Variants in KIF20B observed in about 807,000 individuals in gnomAD.
KIF20B encodes kinesin-like protein KIF20B.
Under a neutral mutation model 232.5 loss-of-function variants are expected in KIF20B, and 188 were observed. The observed-to-expected ratio is 0.81, with a 90% CI of 0.72 to 0.91. The LOEUF is 0.91. Among genes scored for constraint, KIF20B ranks in the 40% least tolerant of loss-of-function variants. The pLI, the probability that KIF20B is intolerant of heterozygous loss-of-function variation, is 0.00. For missense variants in KIF20B, 2,154 were observed against 2,055.9 expected (o/e 1.05, Z -0.92); for synonymous variants, 712 against 683.0 (o/e 1.04, Z -0.66).
chr10:89,707,945 T>C (rs927814234), intron 2 of KIF20B, among the ~76,000 whole-genome samples: 20 of 152,358 alleles, frequency 1.3e-4, no homozygotes, highest in African/African-American at 4.3e-4. Context: ...TCTTTTAATA[T>C]GGTTAATTGC....
At chr10:89,729,011 C>A in intron 17 of KIF20B, 117 bp from the exon 18 acceptor site, 1 of 966,120 alleles carries the variant, frequency 1.0e-6, no homozygotes, top group East Asian at 5.1e-5. Context: ...CACTGATTAG[C>A]TTTATTTAAC....
chr10:89,719,833 T>C (rs1181985845), intron 13 of KIF20B, 127 bp downstream of exon 13: 1 of 719,660 alleles, frequency 1.4e-6, no homozygotes, highest in East Asian at 2.7e-5. Context: ...ACTTTATATT[T>C]TGAAAAATTT....
Position 89,718,751 on chromosome 10 carries a change from A to G in KIF20B, c.1313A>G (p.His438Arg), listed in dbSNP as rs369346911. 73 of 1,610,962 alleles carry G rather than the reference A, an allele frequency of 4.5e-5. No individual in the cohort carries two copies. Among genetic ancestry groups the G allele is most frequent in the Non-Finnish European group, 5.8e-5 (68 of 1,179,172 alleles). The change falls in exon 12 of 33, where the codon CAC becomes CGC. Residue 438 changes from histidine (H) to arginine (R), a missense_variant. His to Arg is a conservative substitution (Grantham distance 29). Coordinates refer to ENST00000371728, the MANE Select transcript of KIF20B (RefSeq NM_001284259.2). The part of the protein sequence containing the change: ...HVPFRESKLT[H>R]YFQSFFNGKG... ...CCTTTCCGGGAAAGTAAACTGACTCACTATTTTCAAAGTTTTTTTAATGGT... is the reference window on the plus strand; with the variant it reads ...CCTTTCCGGGAAAGTAAACTGACTCGCTATTTTCAAAGTTTTTTTAATGGT...
At chr10:89,705,015 C>T (rs955805732) in intron 1 of KIF20B, among the ~76,000 whole-genome samples, 5 of 152,194 alleles carry the variant, frequency 3.3e-5, no homozygotes, top group Admixed American at 6.5e-5. Context: ...ATATTTTATA[C>T]CATCTTTACA....
intron 1 of KIF20B, among the ~76,000 whole-genome samples, chr10:89,702,737 A>G (rs985347196): frequency 4.0e-5 from 6 of 149,916 alleles, no homozygotes; most frequent in African/African-American, 1.2e-4. Context: ...GAAAGATAAT[A>G]TTACAGACTA....
In KIF20B at chr10:89,751,327, G is replaced by A. The variant is rs375142018; in HGVS notation, c.4097-19G>A. On this transcript the variant is annotated intron_variant, in intron 23 of 32. Coordinates refer to ENST00000371728, the MANE Select transcript of KIF20B (RefSeq NM_001284259.2). Reference sequence around the variant, plus strand: ...TCTAGAGGCTATTAATTTCTAAAATGTTCTCCCCCGATTTTTAGATCTAAA... The same window carrying A: ...TCTAGAGGCTATTAATTTCTAAAATATTCTCCCCCGATTTTTAGATCTAAA... 3 of 1,578,070 alleles carry A rather than the reference G, an allele frequency of 1.9e-6. No homozygotes were observed. The highest frequency in any genetic ancestry group is 2.6e-6 in the Non-Finnish European group (3 of 1,164,530).
intron 31 of KIF20B, among the ~76,000 whole-genome samples, chr10:89,771,936 T>C (rs957957341): frequency 6.6e-6 from 1 of 152,002 alleles, no homozygotes; most frequent in African/African-American, 2.4e-5. Context: ...TCATTTTGGC[T>C]TGTTGTCTTA....
intron 2 of KIF20B, 104 bp from the exon 3 acceptor site, chr10:89,709,063 A>G: frequency 1.3e-6 from 1 of 754,340 alleles, no homozygotes; most frequent in Non-Finnish European, 2.3e-6. Context: ...GAAATTCTTT[A>G]TCATCTCAGA....
intron 6 of KIF20B, among the ~76,000 whole-genome samples, chr10:89,711,818 AT>A (rs1842842656): frequency 6.6e-6 from 1 of 152,032 alleles, no homozygotes; most frequent in Non-Finnish European, 1.5e-5. Flanking sequence ...GTTTTTTTAA[AT>A]TTTAAATCAG....
In KIF20B at chr10:89,738,423, C is replaced by T; in HGVS notation, c.3582C>T (p.Ile1194=). 7.5e-6 allele frequency: 12 copies of T among 1,602,544 alleles called. No individual in the cohort carries two copies. The highest frequency in any genetic ancestry group is 1.0e-5 in the Non-Finnish European group (12 of 1,177,086). ...EQDILEKESI[I]LKLERNLKEF... Reference sequence around the variant, plus strand: ...ACATTTTGGAAAAGGAATCTATCATCTTAAAGCTAGAAAGAAATTTGAAGG... The same window carrying T: ...ACATTTTGGAAAAGGAATCTATCATTTTAAAGCTAGAAAGAAATTTGAAGG... The change falls in exon 20 of 33, where the codon ATC becomes ATT. Residue 1194 remains isoleucine (I), a synonymous_variant. Coordinates refer to ENST00000371728, the MANE Select transcript of KIF20B (RefSeq NM_001284259.2).
At chr10:89,709,128 C>A in intron 2 of KIF20B, 39 bp from the exon 3 acceptor site, 1 of 1,427,272 alleles carries the variant, frequency 7.0e-7, no homozygotes, top group Non-Finnish European at 9.8e-7. Context: ...AAAGCCGTAT[C>A]TTTCAAAAAC....
At chr10:89,711,686 T>G (rs1418988520) in intron 6 of KIF20B, among the ~76,000 whole-genome samples, 5 of 152,068 alleles carry the variant, frequency 3.3e-5, no homozygotes, top group Admixed American at 2.6e-4. Flanking sequence ...ATAATTTTTT[T>G]TTTTAAACAA....
intron 27 of KIF20B, 69 bp from the exon 28 acceptor site, chr10:89,760,457 T>C (rs1589881577): frequency 1.1e-6 from 1 of 911,842 alleles, no homozygotes; most frequent in African/African-American, 1.7e-5. Context: ...TTATATTCTT[T>C]ATGTGAAGTT....
chr10:89,727,756 C>G (rs1027089461), intron 16 of KIF20B, 100 bp from the exon 17 acceptor site: 6 of 1,033,408 alleles, frequency 5.8e-6, no homozygotes, highest in Admixed American at 3.2e-5. Flanking sequence ...TTGAATGTAA[C>G]AGTAAAGTGT....
intron 26 of KIF20B, among the ~76,000 whole-genome samples, chr10:89,757,504 A>G (rs954341755): frequency 3.3e-5 from 5 of 152,004 alleles, no homozygotes. Context: ...AGATATTACA[A>G]TTATTGTAGA....
chr10:89,735,351 A>T (rs1256363724), intron 19 of KIF20B, among the ~76,000 whole-genome samples: 1 of 152,120 alleles, frequency 6.6e-6, no homozygotes, highest in African/African-American at 2.4e-5. Flanking sequence ...ATTGTTCGTG[A>T]TGAGTGAGAT....
At position 89,766,047 on chromosome 10, in the gene KIF20B, C is replaced by T. The variant is rs549186286; in HGVS notation, c.4990-2243C>T. ...GTATTTCCTGAATCTGAATGTTGGC[C>T]TGCCTTGCTAGATTGAGGAAGTTCT... On this transcript the variant is annotated intron_variant, in intron 29 of 32. Transcript: ENST00000371728. Among the ~76,000 whole-genome samples the T allele has an allele frequency of 1.6e-4, 25 of 152,224 alleles. No homozygotes were observed. The South Asian group carries it at 5.0e-3, about 30-fold the overall frequency.
chr10:89,740,028 T>C (rs1046020031), intron 21 of KIF20B, among the ~76,000 whole-genome samples: 1 of 152,158 alleles, frequency 6.6e-6, no homozygotes, highest in Non-Finnish European at 1.5e-5. Context: ...ATATCTTCTA[T>C]ATGCTCTTGG....
chr10:89,716,135 T>C (rs1034030740), intron 8 of KIF20B, among the ~76,000 whole-genome samples: 3 of 152,260 alleles, frequency 2.0e-5, no homozygotes, highest in Non-Finnish European at 4.4e-5. Flanking sequence ...TGTACTGTAC[T>C]TTGCCACTCT....
Sources: allele counts gnomAD v4.1 joint callset (sites outside exome capture counted in the v4.1 genomes callset), GRCh38; gene constraint gnomAD v4.1.1; transcripts MANE v1.5; gene names NCBI Gene and HGNC (gene_info 2026-07-23, HGNC 2026-07-21).